The following GMDS variants were observed in gnomAD, a reference collection of about 807,000 sequenced individuals.
The protein encoded by GMDS is GDP-mannose 4,6-dehydratase.
A neutral mutation model predicts 49.9 loss-of-function variants in GMDS; 20 were observed. The observed-to-expected ratio is 0.40, with a 90% CI of 0.28 to 0.58. GMDS has a LOEUF of 0.58. Among genes scored for constraint, GMDS ranks in the 20% least tolerant of loss-of-function variants. The pLI is 0.42. For synonymous variants in GMDS, 177 were observed against 178.6 expected, an observed-to-expected ratio of 0.99 and a Z score of 0.07; for missense variants, 362 against 481.4, an observed-to-expected ratio of 0.75 and a Z score of 2.32.
rs1185698594 is a variant in GMDS, at chr6:2,230,015, A to ACCCC, written c.102+15305_102+15306insGGGG. Among the ~76,000 whole-genome samples the ACCCC allele has an allele frequency of 9.8e-4, 141 of 143,954 alleles. 1 individual carries two copies. In the Middle Eastern group the frequency reaches 0.011, roughly 11 times the overall value. The allele number at this position is 143,954 out of a possible 152,430, so 94.4% of individuals were successfully genotyped here. A position where few individuals can be genotyped will look rare whatever the true frequency, so the allele number is the denominator to read the frequency against. On this transcript the variant is annotated intron_variant, in intron 1 of 10. Coordinates refer to ENST00000380815, the MANE Select transcript of GMDS (RefSeq NM_001500.4). The stretch of plus-strand genomic sequence containing the variant: ...CAGGCTTTGCGAGACTCCTCTGAAG[A>ACCCC]CCTCCCTCCAGAGTCCACAGTTGCG...
chr6:2,202,486 A>G (rs1332470432), intron 1 of GMDS, among the ~76,000 whole-genome samples: 1 of 149,682 alleles, frequency 6.7e-6, no homozygotes, highest in East Asian at 2.0e-4. Context: ...ATATGCTTAC[A>G]TGTCTGGTTT....
intron 9 of GMDS, among the ~76,000 whole-genome samples, chr6:1,653,989 C>T (rs944094492): frequency 1.3e-5 from 2 of 152,004 alleles, no homozygotes; most frequent in African/African-American, 4.8e-5. Flanking sequence ...AAAGAAAGAA[C>T]AAGCAAATAA....
At chr6:2,218,834 T>C (rs1044266089) in intron 1 of GMDS, among the ~76,000 whole-genome samples, 1 of 152,220 alleles carries the variant, frequency 6.6e-6, no homozygotes, top group Non-Finnish European at 1.5e-5. Context: ...AACTGAGGTT[T>C]GTAGAGGCTA....
chr6:1,819,322 G>A (rs1461120740), intron 7 of GMDS, among the ~76,000 whole-genome samples: 3 of 152,192 alleles, frequency 2.0e-5, no homozygotes, highest in Admixed American at 2.0e-4. Context: ...CAATTACTAA[G>A]TGGTTTATTT....
At chr6:1,919,454 A>G (rs1761601450) in intron 7 of GMDS, among the ~76,000 whole-genome samples, 2 of 152,250 alleles carry the variant, frequency 1.3e-5, no homozygotes, top group South Asian at 4.1e-4. Context: ...CAATTTCTCA[A>G]AGGATTTCTC....
chr6:2,208,542 A>C (rs1779911923), intron 1 of GMDS, among the ~76,000 whole-genome samples: 1 of 152,206 alleles, frequency 6.6e-6, no homozygotes, highest in African/African-American at 2.4e-5. Context: ...ATTTTCCCAC[A>C]GCTTGCAGGG....
At chr6:1,670,934 C>A (rs1330548810) in intron 9 of GMDS, among the ~76,000 whole-genome samples, 1 of 152,172 alleles carries the variant, frequency 6.6e-6, no homozygotes, top group African/African-American at 2.4e-5. Flanking sequence ...TTCATAGTTC[C>A]CTGCTCGCCC....
chr6:2,054,454 A>C (rs747645220), intron 4 of GMDS, among the ~76,000 whole-genome samples: 33 of 152,146 alleles, frequency 2.2e-4, no homozygotes, highest in Non-Finnish European at 3.8e-4. Flanking sequence ...ATGAATTTGC[A>C]AGCTCCACAG....
At chr6:1,708,795 T>C (rs373637916) in intron 9 of GMDS, among the ~76,000 whole-genome samples, 35 of 152,302 alleles carry the variant, frequency 2.3e-4, no homozygotes, top group Middle Eastern at 3.4e-3. Context: ...CGGGGTCACG[T>C]CTCTGTACGC....
At chr6:2,096,423 A>C (rs1773607015) in intron 4 of GMDS, among the ~76,000 whole-genome samples, 1 of 152,220 alleles carries the variant, frequency 6.6e-6, no homozygotes, top group Non-Finnish European at 1.5e-5. Context: ...ACATATTTAC[A>C]AACTTGAACA....
At chr6:2,066,796 C>T (rs556530496) in intron 4 of GMDS, among the ~76,000 whole-genome samples, 2 of 152,150 alleles carry the variant, frequency 1.3e-5, no homozygotes, top group South Asian at 4.2e-4. Context: ...GAGACTTAGA[C>T]TCCCACACAT....
At chr6:1,774,255 G>A (rs1280347495) in intron 7 of GMDS, among the ~76,000 whole-genome samples, 1 of 152,218 alleles carries the variant, frequency 6.6e-6, no homozygotes, top group East Asian at 1.9e-4. Context: ...GAGATGTACT[G>A]TCTTCGTAAC....
At chr6:1,674,642 T>C (rs552926563) in intron 9 of GMDS, among the ~76,000 whole-genome samples, 3 of 140,948 alleles carry the variant, frequency 2.1e-5, no homozygotes, top group South Asian at 4.9e-4. Flanking sequence ...ACACGGCTCA[T>C]TGCAGCCTCA....
At chr6:1,869,543 A>T (rs1758616070) in intron 7 of GMDS, among the ~76,000 whole-genome samples, 1 of 152,200 alleles carries the variant, frequency 6.6e-6, no homozygotes, top group South Asian at 2.1e-4. Context: ...TCTGGTATTC[A>T]GGTATTTGGA....
At chr6:1,798,237 GCACACACACACACACACACACACA>G (rs70992103) in intron 7 of GMDS, among the ~76,000 whole-genome samples, 3 of 143,338 alleles carry the variant, frequency 2.1e-5, no homozygotes, top group Non-Finnish European at 3.1e-5. Flanking sequence ...TAATTACAGA[GCACACACACACACACACACACACA>G]CACACACACA....
chr6:1,918,506 G>C (rs1339724148), intron 7 of GMDS, among the ~76,000 whole-genome samples: 1 of 152,086 alleles, frequency 6.6e-6, no homozygotes, highest in Non-Finnish European at 1.5e-5. Flanking sequence ...AGTCCTTTGG[G>C]GGGCCGAGGT....
At chr6:1,884,979 G>A (rs1386788753) in intron 7 of GMDS, among the ~76,000 whole-genome samples, 1 of 152,144 alleles carries the variant, frequency 6.6e-6, no homozygotes, top group African/African-American at 2.4e-5. Context: ...TTTAACTATA[G>A]GAGGAAACTA....
intron 4 of GMDS, among the ~76,000 whole-genome samples, chr6:2,041,012 G>A (rs1383477062): frequency 1.3e-5 from 2 of 152,102 alleles, no homozygotes; most frequent in East Asian, 3.9e-4. Context: ...TTTATTTTAG[G>A]GGCCTTAGCA....
chr6:2,004,061 CT>C lies in GMDS; in HGVS notation c.346-43096del, dbSNP rs560788836. Reference sequence around the variant, plus strand: ...CAGCTTGTGACAAGGCTCTTCTTCTCTTTGAAATATACAAAATAGTCAGAGA... The same window carrying C: ...CAGCTTGTGACAAGGCTCTTCTTCTCTTGAAATATACAAAATAGTCAGAGA... On this transcript the variant is annotated intron_variant, in intron 4 of 10. Coordinates refer to ENST00000380815, the MANE Select transcript of GMDS (RefSeq NM_001500.4). Among the ~76,000 whole-genome samples, 639 of 152,318 alleles carry C rather than the reference CT, an allele frequency of 4.2e-3. 2 individuals are homozygous for C. Among genetic ancestry groups the C allele is most frequent in the African/African-American group, 0.014 (588 of 41,574 alleles).
Sources: allele counts gnomAD v4.1 joint callset (sites outside exome capture counted in the v4.1 genomes callset), GRCh38; gene constraint gnomAD v4.1.1; transcripts MANE v1.5; gene names NCBI Gene and HGNC (gene_info 2026-07-23, HGNC 2026-07-21).